Variants in TSHR observed in about 807,000 individuals in gnomAD.
The protein encoded by TSHR is thyroid stimulating hormone receptor.
Under a neutral mutation model 64.1 loss-of-function variants are expected in TSHR, and 51 were observed. That is an observed-to-expected ratio of 0.80 (90% CI 0.64 to 1.01). The LOEUF is 1.01. TSHR is among the 50% of genes least tolerant of loss of function. The pLI is 0.00. For missense variants in TSHR, 877 were observed against 942.8 expected (o/e 0.93, Z 0.91); for synonymous variants, 361 against 361.9 (o/e 1.00, Z 0.03).
At chr14:81,104,608 T>C (rs1233717659) in intron 7 of TSHR, 1 of 985,300 alleles carries the variant, frequency 1.0e-6, no homozygotes, top group Non-Finnish European at 1.2e-6. Context: ...ATGGCCGCTA[T>C]GTGCCACGAG....
intron 2 of TSHR, among the ~76,000 whole-genome samples, chr14:81,067,483 TTATATATA>T (rs71103896): frequency 7.4e-6 from 1 of 134,976 alleles, no homozygotes; most frequent in Non-Finnish European, 1.6e-5. Context: ...GTTTATAGTT[TTATATATA>T]TATATATATA....
At chr14:81,142,056 C>T (rs1891710990) in intron 9 of TSHR, among the ~76,000 whole-genome samples, 2 of 152,118 alleles carry the variant, frequency 1.3e-5, no homozygotes, top group Non-Finnish European at 2.9e-5. Context: ...GAGCCAGGTT[C>T]CCACCAAGGC....
chr14:81,077,974 C>T lies in TSHR; in HGVS notation c.317+9646C>T, dbSNP rs139397502. Among the ~76,000 whole-genome samples, 705 of 151,366 alleles carry T rather than the reference C, an allele frequency of 4.7e-3. 7 individuals carry two copies. Among genetic ancestry groups the T allele is most frequent in the African/African-American group, 0.017 (680 of 40,758 alleles). ...CTTTTGAAATTAAAATTCCATTTAC[C>T]TTCTTCCATCTTTCATGCTATTGTT... On this transcript the variant is annotated intron_variant, in intron 3 of 9. Coordinates refer to ENST00000298171, the MANE Select transcript of TSHR (RefSeq NM_000369.5).
intron 1 of TSHR, chr14:80,982,352 G>C: frequency 8.1e-7 from 1 of 1,235,746 alleles, no homozygotes; most frequent in Non-Finnish European, 1.1e-6. Context: ...ATCAATTCCT[G>C]GTTCTGAAAT....
At chr14:81,092,664 T>A in intron 6 of TSHR, 56 bp downstream of exon 6, 1 of 1,547,308 alleles carries the variant, frequency 6.5e-7, no homozygotes, top group Non-Finnish European at 8.9e-7. Flanking sequence ...TGAGCCATTT[T>A]CATATGTTTA....
At chr14:81,100,133 T>C (rs1434119083) in intron 7 of TSHR, among the ~76,000 whole-genome samples, 2 of 152,242 alleles carry the variant, frequency 1.3e-5, no homozygotes, top group African/African-American at 4.8e-5. Flanking sequence ...TCTCTTTCCA[T>C]AGTAAATTAA....
At chr14:81,063,203 G>T (rs969577826) in intron 2 of TSHR, among the ~76,000 whole-genome samples, 1 of 152,094 alleles carries the variant, frequency 6.6e-6, no homozygotes, top group South Asian at 2.1e-4. Flanking sequence ...TTGCCTCTTT[G>T]TTTTCCTTGA....
intron 1 of TSHR, chr14:80,983,477 T>A: frequency 7.3e-7 from 1 of 1,362,302 alleles, no homozygotes; most frequent in Non-Finnish European, 1.0e-6. Context: ...AACTCATCTT[T>A]AACCATAAAG....
intron 7 of TSHR, chr14:81,105,309 G>A (rs1595121880): frequency 6.9e-6 from 6 of 874,926 alleles, no homozygotes; most frequent in Non-Finnish European, 8.2e-6. Flanking sequence ...TTCTGTATAT[G>A]TATTTCCCCT....
intron 1 of TSHR, chr14:80,983,040 C>A: frequency 1.8e-6 from 1 of 546,320 alleles, no homozygotes; most frequent in Non-Finnish European, 3.3e-6. Context: ...GTATCCATAA[C>A]GTTCACCCAT....
intron 8 of TSHR, among the ~76,000 whole-genome samples, chr14:81,124,973 T>C (rs752559821): frequency 1.1e-4 from 17 of 152,188 alleles, no homozygotes; most frequent in Admixed American, 6.5e-4. Flanking sequence ...CTAGTGCAAA[T>C]GGTCCATTTA....
intron 1 of TSHR, among the ~76,000 whole-genome samples, chr14:80,979,182 G>C (rs1220217626): frequency 3.9e-5 from 6 of 152,206 alleles, no homozygotes. Flanking sequence ...ATCATGTTAA[G>C]TGAAATTGGC....
chr14:80,966,062 A>T (rs1420025452), intron 1 of TSHR, among the ~76,000 whole-genome samples: 1 of 152,228 alleles, frequency 6.6e-6, no homozygotes, highest in Non-Finnish European at 1.5e-5. Context: ...TGACACATGA[A>T]GCTTTTGGCT....
At chr14:81,121,767 C>T (rs1394276421) in intron 8 of TSHR, among the ~76,000 whole-genome samples, 2 of 151,930 alleles carry the variant, frequency 1.3e-5, no homozygotes, top group East Asian at 2.0e-4. Flanking sequence ...CATGGTGAAA[C>T]TCCATCTCTA....
At chr14:81,035,936 TAA>T (rs1884602285) in intron 1 of TSHR, among the ~76,000 whole-genome samples, 1 of 151,524 alleles carries the variant, frequency 6.6e-6, no homozygotes, top group Admixed American at 6.6e-5. Context: ...ATTTAACCAA[TAA>T]AATGAAGAAA....
intron 1 of TSHR, among the ~76,000 whole-genome samples, chr14:81,038,741 A>AAT (rs1215629971): frequency 9.5e-5 from 14 of 147,982 alleles, no homozygotes; most frequent in South Asian, 2.1e-4. Context: ...ATAAAAAATA[A>AAT]ATATATATAT....
At chr14:81,062,681 G>A (rs973568410) in intron 2 of TSHR, among the ~76,000 whole-genome samples, 7 of 152,086 alleles carry the variant, frequency 4.6e-5, no homozygotes, top group South Asian at 2.1e-4. Context: ...CACGTTAAAA[G>A]AGAATTAAAA....
At chr14:81,134,022 A>G (rs1246448415) in intron 8 of TSHR, among the ~76,000 whole-genome samples, 1 of 152,262 alleles carries the variant, frequency 6.6e-6, no homozygotes, top group East Asian at 1.9e-4. Context: ...ACTGATAGTA[A>G]GCACAGAAGC....
At chr14:81,132,431 G>T (rs1350003488) in intron 8 of TSHR, among the ~76,000 whole-genome samples, 1 of 152,094 alleles carries the variant, frequency 6.6e-6, no homozygotes, top group African/African-American at 2.4e-5. Flanking sequence ...TGCTTTTGAG[G>T]TTCAATTTGC....
Sources: gnomAD v4.1 joint callset for allele counts (sites outside exome capture counted in the v4.1 genomes callset) on GRCh38, gnomAD v4.1.1 for gene constraint, MANE v1.5 for transcripts, NCBI Gene and HGNC (gene_info 2026-07-23, HGNC 2026-07-21) for gene names.